Variants in CEP128 observed in about 807,000 individuals in gnomAD.
CEP128 encodes centrosomal protein 128, also known as centrosomal protein 128kDa.
In CEP128, 132 loss-of-function variants were observed where a neutral mutation model predicts 156.7. The observed-to-expected ratio is 0.84, with a 90% CI of 0.73 to 0.97. CEP128 has a LOEUF of 0.97. CEP128 is among the 50% of genes least tolerant of loss of function. The pLI is 0.00. For missense variants in CEP128, 1,252 were observed against 1,281.9 expected, an observed-to-expected ratio of 0.98 and a Z score of 0.36; for synonymous variants, 469 against 448.9, an observed-to-expected ratio of 1.04 and a Z score of -0.57.
At chr14:80,838,755 T>C (rs1485599255) in intron 10 of CEP128, among the ~76,000 whole-genome samples, 1 of 152,230 alleles carries the variant, frequency 6.6e-6, no homozygotes, top group Non-Finnish European at 1.5e-5. Context: ...GGTGATTTCC[T>C]ACATTCCTAA....
chr14:80,883,701 A>G lies in CEP128; in HGVS notation c.645+12017T>C, dbSNP rs75581223. On this transcript the variant is annotated intron_variant, in intron 8 of 24. Coordinates refer to ENST00000555265, the MANE Select transcript of CEP128 (RefSeq NM_152446.5). ...CTACAGATTCAATGCAATACCAATGACATTCTTCACTGAAATAGAAAAAAA... is the reference window on the plus strand; with the variant it reads ...CTACAGATTCAATGCAATACCAATGGCATTCTTCACTGAAATAGAAAAAAA... 3.9e-5 allele frequency among the ~76,000 whole-genome samples: 6 copies of G among 152,146 alleles called. No individual in the cohort carries two copies. In the East Asian group the frequency reaches 9.6e-4, roughly 24 times the overall value.
At chr14:80,772,059 G>A (rs1327215184) in intron 16 of CEP128, among the ~76,000 whole-genome samples, 5 of 151,996 alleles carry the variant, frequency 3.3e-5, no homozygotes, top group African/African-American at 9.7e-5. Context: ...AATGTTTTTT[G>A]GAATTACTGA....
intron 19 of CEP128, among the ~76,000 whole-genome samples, chr14:80,680,728 T>C (rs978961421): frequency 6.6e-6 from 1 of 152,164 alleles, no homozygotes; most frequent in African/African-American, 2.4e-5. Flanking sequence ...CCCATCACCA[T>C]GCAGAGAAAT....
chr14:80,800,329 C>G (rs1883767832), intron 13 of CEP128, among the ~76,000 whole-genome samples: 1 of 152,166 alleles, frequency 6.6e-6, no homozygotes, highest in African/African-American at 2.4e-5. Flanking sequence ...AAAAGAGTAA[C>G]TGACACATTT....
chr14:80,640,965 T>G (rs1006974030), intron 19 of CEP128, among the ~76,000 whole-genome samples: 3 of 152,238 alleles, frequency 2.0e-5, no homozygotes, highest in Admixed American at 1.3e-4. Context: ...ACAGCTTTAA[T>G]TAATGCATTT....
intron 21 of CEP128, among the ~76,000 whole-genome samples, chr14:80,539,595 CAT>C (rs1421482658): frequency 2.6e-5 from 4 of 152,142 alleles, no homozygotes; most frequent in Non-Finnish European, 5.9e-5. Context: ...GATTGTAAAA[CAT>C]GTGTGTTTGA....
chr14:80,580,331 A>C, intron 20 of CEP128, 43 bp downstream of exon 20: 6 of 1,318,264 alleles, frequency 4.6e-6, no homozygotes, highest in Middle Eastern at 2.3e-4. Flanking sequence ...GTAAAAAACA[A>C]ATGTTTTCAT....
At chr14:80,767,639 G>A (rs1327544273) in intron 16 of CEP128, among the ~76,000 whole-genome samples, 1 of 152,032 alleles carries the variant, frequency 6.6e-6, no homozygotes, top group Non-Finnish European at 1.5e-5. Flanking sequence ...CACCCACATG[G>A]TTGTTAGAAC....
At chr14:80,566,633 C>T (rs767619132) in intron 20 of CEP128, among the ~76,000 whole-genome samples, 1 of 152,092 alleles carries the variant, frequency 6.6e-6, no homozygotes, top group Non-Finnish European at 1.5e-5. Context: ...AAATTGTATG[C>T]TATCTATTAA....
intron 23 of CEP128, among the ~76,000 whole-genome samples, chr14:80,508,943 C>T (rs979526272): frequency 1.3e-5 from 2 of 152,048 alleles, no homozygotes; most frequent in African/African-American, 4.8e-5. Flanking sequence ...CTCACTGTTC[C>T]GGATGGCTGG....
At chr14:80,954,430 T>C (rs2371462) in intron 2 of CEP128, among the ~76,000 whole-genome samples, 103,000 of 152,086 alleles carry the variant, frequency 0.68, 36,218 homozygotes, top group African/African-American at 0.88. Context: ...ATAAAGCTTC[T>C]GTAAAATTTG....
intron 19 of CEP128, among the ~76,000 whole-genome samples, chr14:80,675,084 C>T (rs1809335768): frequency 1.3e-5 from 2 of 152,086 alleles, no homozygotes; most frequent in Admixed American, 6.5e-5. Flanking sequence ...TTAACCTCTC[C>T]TATTCCCACA....
At chr14:80,895,580 G>A in intron 8 of CEP128, 138 bp downstream of exon 8, 1 of 494,956 alleles carries the variant, frequency 2.0e-6, no homozygotes, top group Non-Finnish European at 3.5e-6. Context: ...TTTTATAAGA[G>A]CTACAAGAAC....
chr14:80,636,454 CT>C (rs1021159180), intron 19 of CEP128, among the ~76,000 whole-genome samples: 19 of 152,136 alleles, frequency 1.2e-4, no homozygotes, highest in South Asian at 1.0e-3. Context: ...CATTTTCCTG[CT>C]TTTTTTTCTT....
At position 80,761,535 on chromosome 14, in the gene CEP128, A is replaced by T. The variant is rs1211502327; in HGVS notation, c.2455T>A (p.Cys819Ser). The change falls in exon 17 of 25, where the codon TGC becomes AGC. Residue 819 changes from cysteine (C) to serine (S), a missense_variant. Transcript: ENST00000555265. ...ARLQLKDQLL[C>S]LETEQESILG... Reference sequence around the variant, plus strand: ...ATGGATTCCTGTTCAGTCTCCAAGCAAAGAAGTTGATCCTTGAGCTGCAAT... The same window carrying T: ...ATGGATTCCTGTTCAGTCTCCAAGCTAAGAAGTTGATCCTTGAGCTGCAAT... 2 of 1,612,964 alleles carry T rather than the reference A, an allele frequency of 1.2e-6. No homozygotes were observed.
At chr14:80,667,715 G>A (rs961871992) in intron 19 of CEP128, among the ~76,000 whole-genome samples, 4 of 152,058 alleles carry the variant, frequency 2.6e-5, no homozygotes, top group Non-Finnish European at 4.4e-5. Context: ...AAAATTAGCT[G>A]GGTGTGGTGG....
chr14:80,513,171 T>C (rs183151706), intron 23 of CEP128, among the ~76,000 whole-genome samples: 2 of 152,228 alleles, frequency 1.3e-5, no homozygotes, highest in East Asian at 3.9e-4. Flanking sequence ...TGTTGATAAA[T>C]ACCCTCAGCT....
intron 7 of CEP128, among the ~76,000 whole-genome samples, chr14:80,898,025 C>A (rs1889429736): frequency 6.6e-6 from 1 of 152,198 alleles, no homozygotes; most frequent in South Asian, 2.1e-4. Context: ...AATGATTCAC[C>A]TGCCTCGGCC....
At chr14:80,559,178 C>A (rs1530771) in intron 21 of CEP128, 101 bp downstream of exon 21, 566,699 of 1,051,526 alleles carry the variant, frequency 0.54, 154,935 homozygotes, top group East Asian at 0.7. Flanking sequence ...ATGTAGTTTT[C>A]GAAATGATTT....
Sources: allele counts gnomAD v4.1 joint callset (sites outside exome capture counted in the v4.1 genomes callset), GRCh38; gene constraint gnomAD v4.1.1; transcripts MANE v1.5; gene names NCBI Gene and HGNC (gene_info 2026-07-23, HGNC 2026-07-21).